Variants in PCLO observed in about 807,000 individuals in gnomAD.
PCLO encodes protein piccolo.
Under a neutral mutation model 427.5 loss-of-function variants are expected in PCLO, and 82 were observed. The ratio of observed to expected loss-of-function variants is 0.19; its 90% CI spans 0.16 to 0.23. The LOEUF is 0.23. Among genes scored for constraint, PCLO ranks in the 10% least tolerant of loss-of-function variants. The pLI is 1.00. For synonymous variants in PCLO, 2,357 were observed against 2,155.4 expected (o/e 1.09, Z -2.59); for missense variants, 6,239 against 6,115.9 (o/e 1.02, Z -0.67).
chr7:82,993,778 T>C (rs1032564359), intron 3 of PCLO, among the ~76,000 whole-genome samples: 2 of 152,110 alleles, frequency 1.3e-5, no homozygotes, highest in Non-Finnish European at 2.9e-5. Context: ...CTGTAAGATA[T>C]TCCTGTATTC....
At chr7:83,085,276 G>GTAA (rs1790202281) in intron 3 of PCLO, among the ~76,000 whole-genome samples, 1 of 152,118 alleles carries the variant, frequency 6.6e-6, no homozygotes, top group South Asian at 2.1e-4. Context: ...GATCTAAGTA[G>GTAA]TAGATAACAT....
intron 10 of PCLO, among the ~76,000 whole-genome samples, chr7:82,848,574 G>T (rs1792567778): frequency 6.6e-6 from 1 of 151,968 alleles, no homozygotes; most frequent in Non-Finnish European, 1.5e-5. Context: ...GCCTCCCAAA[G>T]TGCTGGGATT....
intron 6 of PCLO, among the ~76,000 whole-genome samples, chr7:82,947,975 C>T (rs1417805438): frequency 6.6e-6 from 1 of 152,100 alleles, no homozygotes; most frequent in African/African-American, 2.4e-5. Flanking sequence ...CCTGGAAAGC[C>T]TGTTCTTTCT....
rs1333805225 is a variant in PCLO, at chr7:82,779,792, G to C, written c.15008-18299C>G. ...AGTCTTGCTCTGTTGCCCAGGTGGA[G>C]TGCAATGGCTGTAATTTTTATTATT... On this transcript the variant is annotated intron_variant, in intron 22 of 24. Transcript: ENST00000333891. 4.1e-4 allele frequency among the ~76,000 whole-genome samples: 60 copies of C among 147,928 alleles called. No individual in the cohort carries two copies. The Admixed American group carries it at 4.1e-3, about 10-fold the overall frequency.
chr7:83,066,268 T>C (rs541504338), intron 3 of PCLO, among the ~76,000 whole-genome samples: 23 of 152,292 alleles, frequency 1.5e-4, no homozygotes, highest in African/African-American at 5.3e-4. Context: ...TTGCTACCTT[T>C]GTATTGATTT....
chr7:82,881,736 A>C (rs558011047), intron 9 of PCLO, among the ~76,000 whole-genome samples: 124 of 152,202 alleles, frequency 8.1e-4, no homozygotes, highest in African/African-American at 2.6e-3. Context: ...CCTCAAACTC[A>C]TGGGCTCAGG....
chr7:82,950,592 T>C lies in PCLO; in HGVS notation c.9996A>G (p.Thr3332=). 1 of 1,613,878 alleles carries C rather than the reference T, an allele frequency of 6.2e-7. No homozygotes were observed. Among genetic ancestry groups the C allele is most frequent in the Non-Finnish European group, 8.5e-7 (1 of 1,179,834 alleles). The change falls in exon 6 of 25, where the codon ACA becomes ACG. Residue 3332 remains threonine (T), a synonymous_variant. Coordinates refer to ENST00000333891, the MANE Select transcript of PCLO (RefSeq NM_033026.6). The stretch of plus-strand genomic sequence containing the variant: ...ACTGACCTTCCAAAATTGCCTGCTC[T>C]GTAGTGGTTTGTGGAGAAGCAGTTC... ...PSGTASPQTT[T]EQAILEGQYA...
At chr7:83,063,147 C>T (rs2116322136) in intron 3 of PCLO, among the ~76,000 whole-genome samples, 1 of 152,082 alleles carries the variant, frequency 6.6e-6, no homozygotes, top group East Asian at 1.9e-4. Flanking sequence ...AGGAAGCTTT[C>T]TTGGTATAAA....
At chr7:82,869,617 A>G (rs1007847107) in intron 10 of PCLO, among the ~76,000 whole-genome samples, 1 of 151,968 alleles carries the variant, frequency 6.6e-6, no homozygotes, top group Admixed American at 6.6e-5. Flanking sequence ...AAACAGTGTG[A>G]TATCGGTGTA....
At chr7:82,763,301 A>T (rs1318087314) in intron 22 of PCLO, among the ~76,000 whole-genome samples, 2 of 152,074 alleles carry the variant, frequency 1.3e-5, no homozygotes. Flanking sequence ...ATTACTTTGC[A>T]CTACCAATAT....
rs547681107 is a variant in PCLO, at chr7:82,973,774, T to C, written c.3301-7287A>G. Among the ~76,000 whole-genome samples the C allele has an allele frequency of 5.3e-5, 8 of 152,110 alleles. No individual in the cohort carries two copies. The South Asian group carries it at 1.7e-3, about 32-fold the overall frequency. Reference sequence around the variant, plus strand: ...TAAAATACATTAACAGATATTTCCATAAATAGCAACATGCCAACTAAAATT... The same window carrying C: ...TAAAATACATTAACAGATATTTCCACAAATAGCAACATGCCAACTAAAATT... On this transcript the variant is annotated intron_variant, in intron 3 of 24. Transcript: ENST00000333891.
At chr7:82,819,124 T>C (rs923012256) in intron 20 of PCLO, among the ~76,000 whole-genome samples, 11 of 152,204 alleles carry the variant, frequency 7.2e-5, no homozygotes, top group African/African-American at 2.4e-4. Context: ...ATCAATTATA[T>C]TGTTACACTT....
At chr7:82,959,943 C>T (rs1475328337) in intron 4 of PCLO, among the ~76,000 whole-genome samples, 3 of 152,140 alleles carry the variant, frequency 2.0e-5, no homozygotes, top group Non-Finnish European at 4.4e-5. Flanking sequence ...ATCGGAGCCC[C>T]ATTTGGATCT....
At chr7:83,140,877 A>G (rs1791842921) in intron 2 of PCLO, among the ~76,000 whole-genome samples, 1 of 152,248 alleles carries the variant, frequency 6.6e-6, no homozygotes, top group Non-Finnish European at 1.5e-5. Context: ...TACCTGCCTC[A>G]GACACTTGCT....
chr7:82,854,390 T>C (rs1435146351), intron 10 of PCLO, among the ~76,000 whole-genome samples: 1 of 152,086 alleles, frequency 6.6e-6, no homozygotes, highest in Non-Finnish European at 1.5e-5. Context: ...ATACCAAAAT[T>C]TTACTCCATC....
chr7:82,818,638 T>C (rs1250193446), intron 20 of PCLO, among the ~76,000 whole-genome samples: 1 of 152,196 alleles, frequency 6.6e-6, no homozygotes, highest in Admixed American at 6.6e-5. Flanking sequence ...GACAATGTAT[T>C]CAAAAATTAT....
intron 1 of PCLO, among the ~76,000 whole-genome samples, chr7:83,162,104 C>T (rs1792453449): frequency 5.9e-5 from 9 of 152,192 alleles, no homozygotes; most frequent in Non-Finnish European, 1.5e-5. Context: ...CCAAAAATCA[C>T]AACCTAAAAT....
intron 6 of PCLO, among the ~76,000 whole-genome samples, chr7:82,947,122 A>G (rs543628527): frequency 2.0e-5 from 3 of 152,228 alleles, no homozygotes; most frequent in Admixed American, 2.0e-4. Flanking sequence ...TCTAGTTACA[A>G]TGACCTCCAT....
intron 3 of PCLO, among the ~76,000 whole-genome samples, chr7:83,116,665 T>A (rs1231165591): frequency 6.6e-6 from 1 of 152,192 alleles, no homozygotes; most frequent in African/African-American, 2.4e-5. Flanking sequence ...ATCCACTCTT[T>A]TAGCATTTTT....
Sources: gnomAD v4.1 joint callset for allele counts (sites outside exome capture counted in the v4.1 genomes callset) on GRCh38, gnomAD v4.1.1 for gene constraint, MANE v1.5 for transcripts, NCBI Gene and HGNC (gene_info 2026-07-23, HGNC 2026-07-21) for gene names.